RPN1: variants seen among roughly 807,000 people sequenced by gnomAD.
The protein encoded by RPN1 is ribophorin I.
RPN1 carries 12 observed loss-of-function variants against 55.5 expected under a neutral mutation model. The observed-to-expected ratio is 0.22, with a 90% CI of 0.14 to 0.35. The LOEUF is 0.35. RPN1 is among the 10% of genes least tolerant of loss of function. RPN1 has a pLI of 1.00. For synonymous variants in RPN1, 317 were observed against 305.9 expected, an observed-to-expected ratio of 1.04 and a Z score of -0.38; for missense variants, 679 against 761.3, an observed-to-expected ratio of 0.89 and a Z score of 1.27.
chr3:128,638,383 T>TTTGTTCCA (rs2069697212), intron 2 of RPN1, among the ~76,000 whole-genome samples: 2 of 152,206 alleles, frequency 1.3e-5, no homozygotes, highest in African/African-American at 2.4e-5. Context: ...GTTTTTAACT[T>TTTGTTCCA]TTGTTCCATT....
At chr3:128,625,096 C>G (rs2069589155) in intron 8 of RPN1, among the ~76,000 whole-genome samples, 1 of 152,104 alleles carries the variant, frequency 6.6e-6, no homozygotes. Context: ...CGGAGCCTGT[C>G]AGGGAGCAGA....
chr3:128,641,680 GC>G (rs2069726714), intron 2 of RPN1, among the ~76,000 whole-genome samples: 1 of 148,548 alleles, frequency 6.7e-6, no homozygotes, highest in African/African-American at 2.5e-5. Context: ...CATAATCTCG[GC>G]TCACCGGAAC....
chr3:128,649,581 TATA>T lies in RPN1; in HGVS notation c.261+956_261+958del, dbSNP rs779773948. On this transcript the variant is annotated intron_variant, in intron 1 of 9. Transcript: ENST00000296255. The stretch of plus-strand genomic sequence containing the variant: ...AGTGTGCTTAGAAGAAATGTGACAC[TATA>T]ATGACTATTCTCTCAACAAATAATT... Among the ~76,000 whole-genome samples the T allele has an allele frequency of 4.6e-5, 7 of 152,346 alleles. No individual in the cohort carries two copies. In the East Asian group the frequency reaches 5.8e-4, roughly 13 times the overall value.
At chr3:128,631,803 G>C (rs1327470673) in intron 4 of RPN1, 145 bp downstream of exon 4, 2 of 808,222 alleles carry the variant, frequency 2.5e-6, no homozygotes, top group Middle Eastern at 3.6e-4. Flanking sequence ...AGATTCTGTT[G>C]GTTTCTAACA....
At chr3:128,637,635 C>T (rs1475525440) in intron 3 of RPN1, among the ~76,000 whole-genome samples, 164 bp downstream of exon 3, 1 of 152,180 alleles carries the variant, frequency 6.6e-6, no homozygotes, top group Non-Finnish European at 1.5e-5. Flanking sequence ...AGAAACAAGA[C>T]CCCCATGGAG....
chr3:128,644,017 A>T (rs531362093), intron 2 of RPN1, among the ~76,000 whole-genome samples: 12 of 152,198 alleles, frequency 7.9e-5, no homozygotes, highest in East Asian at 7.7e-4. Flanking sequence ...GTTTAACCCC[A>T]CCCAGCCTTC....
At chr3:128,639,533 G>A (rs1439963456) in intron 2 of RPN1, among the ~76,000 whole-genome samples, 3 of 151,280 alleles carry the variant, frequency 2.0e-5, no homozygotes, top group African/African-American at 7.3e-5. Flanking sequence ...AATGGTAACT[G>A]TCTCAAGGTT....
At chr3:128,645,977 G>A (rs1333326995) in intron 1 of RPN1, among the ~76,000 whole-genome samples, 1 of 152,134 alleles carries the variant, frequency 6.6e-6, no homozygotes, top group Admixed American at 6.5e-5. Context: ...GGGCGCAGTG[G>A]CTCACACCTG....
At chr3:128,631,481 G>GAA (rs200313122) in intron 4 of RPN1, among the ~76,000 whole-genome samples, 2 of 123,734 alleles carry the variant, frequency 1.6e-5, no homozygotes, top group Non-Finnish European at 3.5e-5. Flanking sequence ...TCCGTCTCAA[G>GAA]AAAAAAAAAA....
At chr3:128,645,083 C>T in intron 1 of RPN1, 100 bp from the exon 2 acceptor site, 1 of 704,624 alleles carries the variant, frequency 1.4e-6, no homozygotes, top group Non-Finnish European at 2.5e-6. Context: ...TTAAAGCAGT[C>T]AAACTATCAG....
chr3:128,632,059 C>T lies in RPN1; in HGVS notation c.732G>A (p.Val244=), dbSNP rs371098396. ...IEVSHWGNIA[V]EENVDLKHTG... is the part of the protein sequence containing the mutation. ...TGTGCTTTAAGTCCACATTTTCTTCCACAGCAATATTACCCCAGTGAGAGA... is the reference window on the plus strand; with the variant it reads ...TGTGCTTTAAGTCCACATTTTCTTCTACAGCAATATTACCCCAGTGAGAGA... The change falls in exon 4 of 10, where the codon GTG becomes GTA. Residue 244 remains valine (V), a synonymous_variant. Coordinates refer to ENST00000296255, the MANE Select transcript of RPN1 (RefSeq NM_002950.4). The T allele has an allele frequency of 2.7e-5, 44 of 1,614,046 alleles. No individual in the cohort carries two copies. The highest frequency in any genetic ancestry group is 1.0e-4 in the Admixed American group (6 of 59,998).
intron 2 of RPN1, among the ~76,000 whole-genome samples, chr3:128,639,109 T>C (rs2069705632): frequency 6.6e-6 from 1 of 152,136 alleles, no homozygotes; most frequent in Non-Finnish European, 1.5e-5. Flanking sequence ...CCATGTACAA[T>C]GTAAATAACG....
chr3:128,644,840 T>C, intron 2 of RPN1, 79 bp downstream of exon 2: 1 of 824,092 alleles, frequency 1.2e-6, no homozygotes, highest in Non-Finnish European at 2.1e-6. Flanking sequence ...TAAGCAACTC[T>C]CCTAGTTTAT....
chr3:128,625,669 G>A lies in RPN1; in HGVS notation c.1276-16C>T, dbSNP rs199936986. 1.7e-4 allele frequency: 277 copies of A among 1,613,676 alleles called. No homozygotes were observed. In the Middle Eastern group the frequency reaches 2.5e-3, roughly 15 times the overall value. On this transcript the variant is annotated splice_polypyrimidine_tract_variant and intron_variant, in intron 7 of 9. Transcript: ENST00000296255. ...TGTAGTGGACCTGGGAGAAGCAAGA[G>A]GACAGGCTTCATCGGGGCTGTAGGG...
rs557626215 is a variant in RPN1, at chr3:128,626,940, C to T, written c.1037-108G>A. 23 of 936,818 alleles carry T rather than the reference C, an allele frequency of 2.5e-5. No homozygotes were observed. The African/African-American group carries it at 3.3e-4, about 13-fold the overall frequency. 58.0% of individuals were successfully genotyped at this position (936,818 alleles called of 1,614,324 possible). On this transcript the variant is annotated intron_variant, in intron 5 of 9. Coordinates refer to ENST00000296255, the MANE Select transcript of RPN1 (RefSeq NM_002950.4). Reference sequence around the variant, plus strand: ...AAGACAGAGCAAGTAGACAGCAAAACCAAAAACCCACGGACCATGTTTACA... The same window carrying T: ...AAGACAGAGCAAGTAGACAGCAAAATCAAAAACCCACGGACCATGTTTACA...
chr3:128,637,943 G>A lies in RPN1; in HGVS notation c.489C>T (p.Tyr163=), dbSNP rs2069693102. 3.7e-6 allele frequency: 6 copies of A among 1,614,232 alleles called. No homozygotes were observed. Among genetic ancestry groups the A allele is most frequent in the Non-Finnish European group, 5.1e-6 (6 of 1,180,038 alleles). The stretch of plus-strand genomic sequence containing the variant: ...TTTGTGTCTTCGTTGGATAGGGAGA[G>A]TAGAAATAATGGTTCCCCTCAAACA... ...FVVFEGNHYF[Y]SPYPTKTQTM... The change falls in exon 3 of 10, where the codon TAC becomes TAT. Residue 163 remains tyrosine (Y), a synonymous_variant. Coordinates refer to ENST00000296255, the MANE Select transcript of RPN1 (RefSeq NM_002950.4).
intron 3 of RPN1, among the ~76,000 whole-genome samples, chr3:128,633,958 G>A (rs1477594267): frequency 6.6e-6 from 1 of 152,038 alleles, no homozygotes; most frequent in Non-Finnish European, 1.5e-5. Flanking sequence ...ACTCCAGCCT[G>A]GGCAACAGAG....
intron 2 of RPN1, chr3:128,644,403 G>C: frequency 3.5e-6 from 1 of 282,038 alleles, no homozygotes; most frequent in Non-Finnish European, 7.0e-6. Context: ...ATAATCCTAG[G>C]ACTCTGGGAG....
At chr3:128,635,669 A>T (rs2069675517) in intron 3 of RPN1, among the ~76,000 whole-genome samples, 1 of 124,286 alleles carries the variant, frequency 8.0e-6, no homozygotes, top group Non-Finnish European at 1.6e-5. Context: ...ATATATAGAT[A>T]TCTATAGATA....
Sources: allele counts gnomAD v4.1 joint callset (sites outside exome capture counted in the v4.1 genomes callset), GRCh38; gene constraint gnomAD v4.1.1; transcripts MANE v1.5; gene names NCBI Gene and HGNC (gene_info 2026-07-23, HGNC 2026-07-21).